P2RX5: variants seen among roughly 807,000 people sequenced by gnomAD.
P2RX5 encodes P2X purinoceptor 5.
A neutral mutation model predicts 54.1 loss-of-function variants in P2RX5; 46 were observed. The ratio of observed to expected loss-of-function variants is 0.85; its 90% CI spans 0.67 to 1.09. The LOEUF (loss-of-function observed/expected upper bound fraction) is 1.09, where lower values mean the gene tolerates loss of function less well. Among genes scored for constraint, P2RX5 ranks in the 50% least tolerant of loss-of-function variants. P2RX5 has a pLI of 0.00. For missense variants in P2RX5, 566 were observed against 549.8 expected (o/e 1.03, Z -0.29); for synonymous variants, 226 against 226.4 (o/e 1.00, Z 0.02).
chr17:3,677,204 T>A, intron 11 of P2RX5: 1 of 985,382 alleles, frequency 1.0e-6, no homozygotes, highest in Non-Finnish European at 1.2e-6. Flanking sequence ...TCAGCCCGTT[T>A]ACACCTGCTG....
At chr17:3,691,521 C>T in intron 2 of P2RX5, 123 bp downstream of exon 2, 1 of 1,220,032 alleles carries the variant, frequency 8.2e-7, no homozygotes, top group Non-Finnish European at 1.2e-6. Flanking sequence ...GCCCTGGCAG[C>T]TGTCTTGGGC....
the P2RX5 span, among the ~76,000 whole-genome samples, chr17:3,713,278 T>C: frequency 6.6e-6 from 1 of 151,972 alleles, no homozygotes; most frequent in Non-Finnish European, 1.5e-5. Context: ...GAGGACGGCT[T>C]GAACCCAAAA....
At chr17:3,695,048 G>A (rs1461151853) in intron 1 of P2RX5, among the ~76,000 whole-genome samples, 2 of 152,214 alleles carry the variant, frequency 1.3e-5, no homozygotes, top group Non-Finnish European at 2.9e-5. Context: ...CCGAGGGAGA[G>A]CCAGGCGTCA....
At chr17:3,689,945 AACACACGC>A (rs2050561728) in intron 6 of P2RX5, 117 bp downstream of exon 6, 5 of 926,558 alleles carry the variant, frequency 5.4e-6, no homozygotes, top group Non-Finnish European at 3.6e-6. Context: ...CACACACGCG[AACACACGC>A]ACACACGTGC....
At chr17:3,702,264 C>T in the P2RX5 span, among the ~76,000 whole-genome samples, 1 of 127,948 alleles carries the variant, frequency 7.8e-6, no homozygotes, top group South Asian at 2.9e-4. Context: ...GTAGACACAC[C>T]AATCAGCCCT....
In P2RX5 at chr17:3,681,973, A is replaced by T; in HGVS notation, c.987T>A (p.Ala329=). 1.2e-6 allele frequency: 2 copies of T among 1,611,316 alleles called. No individual in the cohort carries two copies. The highest frequency in any genetic ancestry group is 1.7e-6 in the Non-Finnish European group (2 of 1,177,538). Residue 329 remains alanine (A), a synonymous_variant, in exon 10 of 12, where the codon GCT becomes GCA. Transcript: ENST00000225328. ...AGATGAGTACCAGGTCGCAGAAGAA[A>T]GCACCCTGCAAAACAGGGGTTCCTG... is the stretch of plus-strand genomic sequence containing the variant. ...RFDVMVNGKG[A]FFCDLVLIYL...
intron 1 of P2RX5, among the ~76,000 whole-genome samples, chr17:3,693,741 AAATAAT>A (rs953888224): frequency 6.6e-6 from 1 of 152,064 alleles, no homozygotes; most frequent in Non-Finnish European, 1.5e-5. Flanking sequence ...TCCATCTCAA[AAATAAT>A]AATAATAATA....
At chr17:3,708,866 G>T in the P2RX5 span, among the ~76,000 whole-genome samples, 1 of 118,876 alleles carries the variant, frequency 8.4e-6, no homozygotes, top group Non-Finnish European at 1.8e-5. Flanking sequence ...TCTTATTTAT[G>T]CAACCCCCCT....
upstream of P2RX5, among the ~76,000 whole-genome samples, chr17:3,700,103 A>T (rs1284824141): frequency 6.6e-6 from 1 of 152,212 alleles, no homozygotes; most frequent in East Asian, 1.9e-4. Flanking sequence ...GAAAACACTT[A>T]CAAGCTGTGG....
upstream of P2RX5, among the ~76,000 whole-genome samples, chr17:3,697,345 T>TC (rs142629292): frequency 0.08 from 12,108 of 151,984 alleles, 599 homozygotes; most frequent in Middle Eastern, 0.11. Flanking sequence ...AGGGAGGGCC[T>TC]CCGGGGGGGC....
At chr17:3,723,779 A>T in the P2RX5 span, 2 of 1,601,676 alleles carry the variant, frequency 1.2e-6, no homozygotes, top group South Asian at 1.1e-5. Context: ...CGCGCTGAAC[A>T]AACCAAGCCG....
At chr17:3,684,375 C>T (rs1253833771) in intron 9 of P2RX5, among the ~76,000 whole-genome samples, 3 of 152,226 alleles carry the variant, frequency 2.0e-5, no homozygotes, top group African/African-American at 7.2e-5. Context: ...AGGCCAATGC[C>T]GGAGGATTGC....
intron 9 of P2RX5, among the ~76,000 whole-genome samples, chr17:3,684,835 CTTTTTTTTTTTT>C (rs138123642): frequency 1.2e-5 from 1 of 86,704 alleles, no homozygotes; most frequent in Non-Finnish European, 2.3e-5. Flanking sequence ...ATCCTGCCCC[CTTTTTTTTTTTT>C]TTTTTTTTTT....
intron 9 of P2RX5, among the ~76,000 whole-genome samples, chr17:3,684,061 C>T (rs901472351): frequency 3.3e-5 from 5 of 152,240 alleles, no homozygotes; most frequent in Non-Finnish European, 5.9e-5. Flanking sequence ...CTCAAAAACT[C>T]CAGAAGGACC....
At chr17:3,714,607 T>C in the P2RX5 span, 1 of 389,222 alleles carries the variant, frequency 2.6e-6, no homozygotes, top group African/African-American at 2.1e-5. Flanking sequence ...TAATACTGTA[T>C]TTCCAGATTA....
the P2RX5 span, chr17:3,720,584 C>CT: frequency 0.078 from 25,098 of 320,140 alleles, 3,901 homozygotes; most frequent in African/African-American, 0.43. Context: ...CTTCAACTTC[C>CT]TTTTTTTTTT....
the P2RX5 span, among the ~76,000 whole-genome samples, chr17:3,722,929 A>G: frequency 6.6e-6 from 1 of 152,242 alleles, no homozygotes; most frequent in Non-Finnish European, 1.5e-5. Flanking sequence ...GCCGAAGGTT[A>G]TTGCAACAGC....
At chr17:3,723,263 T>C in the P2RX5 span, 1,406 of 1,476,856 alleles carry the variant, frequency 9.5e-4, 3 homozygotes, top group Non-Finnish European at 1.2e-3. Flanking sequence ...GATAATCAAA[T>C]CTGGAGCATT....
chr17:3,723,766 C>T, the P2RX5 span: 3 of 1,604,886 alleles, frequency 1.9e-6, no homozygotes, highest in Non-Finnish European at 8.5e-7. Flanking sequence ...GCCATGACCG[C>T]GACGCGCTGA....
Sources: allele counts gnomAD v4.1 joint callset (sites outside exome capture counted in the v4.1 genomes callset), GRCh38; gene constraint gnomAD v4.1.1; transcripts MANE v1.5; gene names NCBI Gene and HGNC (gene_info 2026-07-23, HGNC 2026-07-21).